FRMPD4: variants seen among roughly 807,000 people sequenced by gnomAD.
FRMPD4 encodes the protein FERM and PDZ domain-containing protein 4.
In FRMPD4, 22 loss-of-function variants were observed where a neutral mutation model predicts 94.1. The observed-to-expected ratio is 0.23, with a 90% confidence interval of 0.17 to 0.33. The LOEUF (loss-of-function observed/expected upper bound fraction) is 0.33. Among genes scored for constraint, FRMPD4 ranks in the 10% least tolerant of loss-of-function variants. The pLI is 1.00. For missense variants in FRMPD4, 1,111 were observed against 1,339.9 expected (o/e 0.83, Z 2.67); for synonymous variants, 631 against 548.6 (o/e 1.15, Z -2.10).
At chrX:12,705,242 T>A (rs1051962025) in intron 11 of FRMPD4, among the ~76,000 whole-genome samples, 1 of 112,197 alleles carries the variant, frequency 8.9e-6, no homozygotes, top group Non-Finnish European at 1.9e-5. Context: ...AAGGAAATTT[T>A]AAAATATACT....
At chrX:11,978,321 CAAAAAAAA>C (rs1172824155) in intron 3 of FRMPD4, among the ~76,000 whole-genome samples, 3 of 16,355 alleles carry the variant, frequency 1.8e-4, no homozygotes, top group Admixed American at 2.8e-3. Context: ...AACTCCATCT[CAAAAAAAA>C]AAAAAAAAAA....
At chrX:12,656,792 A>G (rs2059660800) in intron 4 of FRMPD4, among the ~76,000 whole-genome samples, 1 of 111,875 alleles carries the variant, frequency 8.9e-6, no homozygotes, top group Non-Finnish European at 1.9e-5. Flanking sequence ...CTATTGGTAC[A>G]TAACAAATTA....
chrX:11,941,741 A>C (rs758441911), intron 3 of FRMPD4, among the ~76,000 whole-genome samples: 14 of 112,226 alleles, frequency 1.2e-4, no homozygotes, highest in Non-Finnish European at 2.4e-4. Context: ...AGGGAGACTA[A>C]AGGCATGGAA....
chrX:12,670,520 G>A (rs984821779), intron 4 of FRMPD4, among the ~76,000 whole-genome samples: 4 of 112,133 alleles, frequency 3.6e-5, no homozygotes, highest in Middle Eastern at 4.6e-3. Context: ...AAATGGTGTT[G>A]GGAAAACTGG....
intron 3 of FRMPD4, among the ~76,000 whole-genome samples, chrX:11,991,405 G>A (rs2054463307): frequency 8.9e-6 from 1 of 111,783 alleles, no homozygotes; most frequent in South Asian, 3.8e-4. Flanking sequence ...AAGGAGTCAA[G>A]CTCTTATCGT....
At chrX:12,564,702 G>T (rs967584220) in intron 2 of FRMPD4, among the ~76,000 whole-genome samples, 7 of 111,699 alleles carry the variant, frequency 6.3e-5, no homozygotes, top group African/African-American at 2.0e-4. Context: ...TGATTAAATT[G>T]TAGGAGTCAT....
intron 1 of FRMPD4, among the ~76,000 whole-genome samples, chrX:12,451,197 CT>C (rs1365880429): frequency 9.0e-6 from 1 of 111,533 alleles, no homozygotes; most frequent in Non-Finnish European, 1.9e-5. Context: ...CGGATTCCCT[CT>C]TCTCATTGAA....
Position 12,615,348 on chromosome X carries a change from G to A in FRMPD4, c.422+467G>A, listed in dbSNP as rs148714605. 6.8e-3 allele frequency among the ~76,000 whole-genome samples: 765 copies of A among 112,331 alleles called. 1 individual carries two copies. The highest frequency in any genetic ancestry group is 0.01 in the Non-Finnish European group (543 of 53,215). ...CTGAAATTTGAGATTATCAACTGTG[G>A]CAATAGGATAATTAGGTCAAAGCTA... On this transcript the variant is annotated intron_variant, in intron 4 of 16. Coordinates refer to ENST00000675598, the MANE Select transcript of FRMPD4 (RefSeq NM_001368397.1).
intron 1 of FRMPD4, among the ~76,000 whole-genome samples, chrX:12,221,341 A>G (rs2056864881): frequency 8.9e-6 from 1 of 112,482 alleles, no homozygotes; most frequent in South Asian, 3.7e-4. Flanking sequence ...ACTGCTTAGC[A>G]AACATAGAAG....
At chrX:12,289,110 G>C (rs2054647388) in intron 1 of FRMPD4, among the ~76,000 whole-genome samples, 1 of 111,439 alleles carries the variant, frequency 9.0e-6, no homozygotes, top group Admixed American at 9.5e-5. Context: ...TCCCTTCTGT[G>C]CCTCATGTCA....
At chrX:12,561,254 T>G (rs911810530) in intron 2 of FRMPD4, among the ~76,000 whole-genome samples, 2 of 112,468 alleles carry the variant, frequency 1.8e-5, no homozygotes, top group African/African-American at 6.5e-5. Flanking sequence ...ATATTCCCAA[T>G]AAAAACAATA....
At chrX:12,346,174 G>T (rs1168505125) in intron 1 of FRMPD4, among the ~76,000 whole-genome samples, 1 of 110,080 alleles carries the variant, frequency 9.1e-6, no homozygotes, top group Admixed American at 9.8e-5. Flanking sequence ...TATGTTGTTG[G>T]GATGGCAAGC....
intron 2 of FRMPD4, among the ~76,000 whole-genome samples, chrX:12,569,745 G>T (rs2058744878): frequency 8.9e-6 from 1 of 112,099 alleles, no homozygotes; most frequent in Non-Finnish European, 1.9e-5. Flanking sequence ...TAGTAAAAGT[G>T]CTTAAACCTG....
intron 1 of FRMPD4, among the ~76,000 whole-genome samples, chrX:12,412,552 T>C (rs898296490): frequency 8.9e-6 from 1 of 112,633 alleles, no homozygotes; most frequent in African/African-American, 3.2e-5. Flanking sequence ...CTTAACTGAC[T>C]TCCTAAGATA....
chrX:11,844,785 T>C (rs1198144033), intron 1 of FRMPD4, among the ~76,000 whole-genome samples: 2 of 112,264 alleles, frequency 1.8e-5, no homozygotes, highest in African/African-American at 6.5e-5. Context: ...TTTATTATTT[T>C]TGTGAATACA....
At chrX:12,331,486 A>G (rs2055372843) in intron 1 of FRMPD4, among the ~76,000 whole-genome samples, 1 of 101,284 alleles carries the variant, frequency 9.9e-6, no homozygotes, top group Admixed American at 1.2e-4. Flanking sequence ...ACAGAGAACA[A>G]AAGGCATTTT....
chrX:12,256,652 G>A (rs919359556), intron 1 of FRMPD4, among the ~76,000 whole-genome samples: 12 of 111,845 alleles, frequency 1.1e-4, no homozygotes, highest in East Asian at 5.6e-4. Flanking sequence ...TGTGTACCTC[G>A]GTGCTTCCCA....
At chrX:12,231,009 A>ATAGTATGTAT (rs1458353727) in intron 1 of FRMPD4, among the ~76,000 whole-genome samples, 3 of 45,854 alleles carry the variant, frequency 6.5e-5, no homozygotes, top group Admixed American at 3.1e-4. Flanking sequence ...TATAATATAT[A>ATAGTATGTAT]GTATATATAG....
intron 1 of FRMPD4, among the ~76,000 whole-genome samples, chrX:12,235,644 C>G (rs1293530984): frequency 1.8e-5 from 2 of 112,142 alleles, no homozygotes; most frequent in Admixed American, 1.9e-4. Flanking sequence ...AAGGGCAGTA[C>G]TTAGATTTCA....
Sources: allele counts gnomAD v4.1 joint callset (sites outside exome capture counted in the v4.1 genomes callset), GRCh38; gene constraint gnomAD v4.1.1; transcripts MANE v1.5; gene names NCBI Gene and HGNC (gene_info 2026-07-23, HGNC 2026-07-21).